The following KAZN variants were observed in gnomAD, a reference collection of about 807,000 sequenced individuals.
KAZN encodes the protein kazrin, periplakin interacting protein.
In KAZN, 40 loss-of-function variants were observed where a neutral mutation model predicts 87.4. The ratio of observed to expected loss-of-function variants is 0.46; its 90% confidence interval spans 0.36 to 0.60. The LOEUF is 0.60. KAZN is among the 20% of genes least tolerant of loss of function. The pLI is 0.00. For missense variants in KAZN, 898 were observed against 1,073.9 expected, an observed-to-expected ratio of 0.84 and a Z score of 2.29; for synonymous variants, 466 against 458.3, an observed-to-expected ratio of 1.02 and a Z score of -0.22.
At chr1:15,053,244 G>A (rs968457695) in intron 4 of KAZN, among the ~76,000 whole-genome samples, 7 of 152,222 alleles carry the variant, frequency 4.6e-5, no homozygotes, top group Admixed American at 3.9e-4. Context: ...CACACCTGGA[G>A]GGAAGGCAGG....
At chr1:14,528,856 C>T (rs184824327) in intron 2 of KAZN, among the ~76,000 whole-genome samples, 2 of 152,014 alleles carry the variant, frequency 1.3e-5, no homozygotes, top group African/African-American at 2.4e-5. Context: ...GCAACATTGT[C>T]TCTCCTCTGA....
chr1:14,134,491 G>T (rs2213847), intron 1 of KAZN, among the ~76,000 whole-genome samples: 27 of 152,012 alleles, frequency 1.8e-4, no homozygotes, highest in African/African-American at 6.5e-4. Flanking sequence ...AAGCTCAAAA[G>T]ATTAAATGAC....
intron 2 of KAZN, among the ~76,000 whole-genome samples, chr1:14,395,571 A>AAGGC: frequency 6.6e-6 from 1 of 152,204 alleles, no homozygotes; most frequent in Admixed American, 6.5e-5. Flanking sequence ...GCTGTTGCAA[A>AAGGC]AGGCAGGCAG....
chr1:14,160,103 C>T (rs1024441820), intron 1 of KAZN, among the ~76,000 whole-genome samples: 2 of 152,194 alleles, frequency 1.3e-5, no homozygotes, highest in Non-Finnish European at 1.5e-5. Context: ...GACCTTCTGT[C>T]CACTGTCTCT....
At chr1:14,326,294 T>G (rs1249783196) in intron 2 of KAZN, among the ~76,000 whole-genome samples, 1 of 152,122 alleles carries the variant, frequency 6.6e-6, no homozygotes, top group Non-Finnish European at 1.5e-5. Context: ...AAAGCCATCC[T>G]TGTTGTGTCT....
chr1:14,725,429 C>A lies in KAZN; in HGVS notation c.226+126206C>A, dbSNP rs75927308. Reference sequence around the variant, plus strand: ...TATTCATTATTCATTATTCCACTGACTAACCATAAGTTTCATGAGGGTGGA... The same window carrying A: ...TATTCATTATTCATTATTCCACTGAATAACCATAAGTTTCATGAGGGTGGA... On this transcript the variant is annotated intron_variant, in intron 1 of 14. Coordinates refer to ENST00000376030, the MANE Select transcript of KAZN (RefSeq NM_201628.3). Among the ~76,000 whole-genome samples, 232 of 150,500 alleles carry A rather than the reference C, an allele frequency of 1.5e-3. 1 individual carries two copies. The highest frequency in any genetic ancestry group is 5.5e-3 in the African/African-American group (227 of 41,116).
chr1:14,293,198 A>T (rs1221196343), intron 2 of KAZN, among the ~76,000 whole-genome samples: 2 of 152,182 alleles, frequency 1.3e-5, no homozygotes, highest in African/African-American at 4.8e-5. Context: ...ATTTTCTCCC[A>T]AATTTCTCCA....
chr1:14,018,935 A>T (rs1570539972), intron 1 of KAZN, among the ~76,000 whole-genome samples: 1 of 152,090 alleles, frequency 6.6e-6, no homozygotes, highest in East Asian at 1.9e-4. Flanking sequence ...CTGTCATGGG[A>T]CTTCTCAGCC....
At chr1:15,095,816 G>A (rs926696546) in intron 10 of KAZN, among the ~76,000 whole-genome samples, 5 of 152,186 alleles carry the variant, frequency 3.3e-5, no homozygotes, top group African/African-American at 1.2e-4. Context: ...AAATCGGCTG[G>A]TTTGGAAGCA....
intron 1 of KAZN, among the ~76,000 whole-genome samples, chr1:14,871,594 C>T (rs899697506): frequency 4.0e-5 from 6 of 151,546 alleles, no homozygotes; most frequent in African/African-American, 1.5e-4. Context: ...CCAACTCCCA[C>T]AGCCTGAACT....
At chr1:15,000,715 A>G (rs904991186) in intron 2 of KAZN, among the ~76,000 whole-genome samples, 1 of 151,904 alleles carries the variant, frequency 6.6e-6, no homozygotes, top group Non-Finnish European at 1.5e-5. Flanking sequence ...AGCCGTGTAT[A>G]TTGTTTGTTT....
At chr1:14,592,230 G>A (rs141885379) in intron 2 of KAZN, among the ~76,000 whole-genome samples, 2 of 152,274 alleles carry the variant, frequency 1.3e-5, no homozygotes, top group Admixed American at 6.5e-5. Flanking sequence ...CTGTGGAGAG[G>A]GAGGGTAACT....
chr1:13,927,326 A>G (rs10927959), intron 1 of KAZN, among the ~76,000 whole-genome samples: 83,260 of 152,028 alleles, frequency 0.55, 23,121 homozygotes, highest in Admixed American at 0.67. Flanking sequence ...GACTTTCTGT[A>G]TAAAACAGAG....
At chr1:14,704,844 G>C (rs1454289251) in intron 1 of KAZN, among the ~76,000 whole-genome samples, 3 of 152,174 alleles carry the variant, frequency 2.0e-5, no homozygotes, top group African/African-American at 7.2e-5. Context: ...CCTTCCCTGT[G>C]TTGTGGTCAG....
At chr1:14,586,014 G>C (rs533533604) in intron 2 of KAZN, among the ~76,000 whole-genome samples, 1 of 152,320 alleles carries the variant, frequency 6.6e-6, no homozygotes, top group African/African-American at 2.4e-5. Flanking sequence ...AACAGACACA[G>C]CTGTTCCCTA....
intron 1 of KAZN, among the ~76,000 whole-genome samples, chr1:13,907,059 A>G (rs1008867229): frequency 3.9e-5 from 6 of 152,206 alleles, no homozygotes; most frequent in Non-Finnish European, 1.5e-5. Flanking sequence ...AGAGAAAAGA[A>G]ATATCTATGT....
intron 2 of KAZN, among the ~76,000 whole-genome samples, chr1:14,984,566 A>G (rs1405242462): frequency 1.3e-5 from 2 of 152,180 alleles, no homozygotes; most frequent in African/African-American, 4.8e-5. Flanking sequence ...CATAGAAAGA[A>G]GAGCAAGAAG....
At chr1:14,594,799 A>G (rs1332076302), upstream of KAZN, among the ~76,000 whole-genome samples, 1 of 152,144 alleles carries the variant, frequency 6.6e-6, no homozygotes, top group Non-Finnish European at 1.5e-5. Flanking sequence ...GCCCCCATAG[A>G]CAGGCAAATG....
rs1344670405 is a variant in KAZN, at chr1:14,768,199, GA to G, written c.226+168983del. On this transcript the variant is annotated intron_variant, in intron 1 of 14. Transcript: ENST00000376030. Reference sequence around the variant, plus strand: ...TAATCACAATAAAACAATAAAGATAGAAAAAAAGATCTGGGAAAGAGGACTC... The same window carrying G: ...TAATCACAATAAAACAATAAAGATAGAAAAAAGATCTGGGAAAGAGGACTC... 5.3e-5 allele frequency among the ~76,000 whole-genome samples: 8 copies of G among 151,962 alleles called. No homozygotes were observed. In the East Asian group the frequency reaches 1.2e-3, roughly 22 times the overall value.
Sources: gnomAD v4.1 joint callset for allele counts (sites outside exome capture counted in the v4.1 genomes callset) on GRCh38, gnomAD v4.1.1 for gene constraint, MANE v1.5 for transcripts, NCBI Gene and HGNC (gene_info 2026-07-23, HGNC 2026-07-21) for gene names.